NECTIN3: variants seen among roughly 807,000 people sequenced by gnomAD.
NECTIN3 encodes the protein nectin cell adhesion molecule 3.
Under a neutral mutation model 49.4 loss-of-function variants are expected in NECTIN3, and 8 were observed. The observed-to-expected ratio is 0.16, with a 90% CI of 0.10 to 0.29. The LOEUF (loss-of-function observed/expected upper bound fraction) is 0.29. Ranked by LOEUF, NECTIN3 falls within the 10% of genes least tolerant of loss-of-function variation. NECTIN3 has a pLI of 1.00. For synonymous variants in NECTIN3, 277 were observed against 241.1 expected, an observed-to-expected ratio of 1.15 and a Z score of -1.38; for missense variants, 581 against 654.6, an observed-to-expected ratio of 0.89 and a Z score of 1.23.
At chr3:111,155,517 T>C (rs1259064631) in intron 7 of NECTIN3, among the ~76,000 whole-genome samples, 2 of 152,188 alleles carry the variant, frequency 1.3e-5, no homozygotes, top group Admixed American at 1.3e-4. Flanking sequence ...GAGCAATTCC[T>C]TTGTAAATAC....
At chr3:111,072,203 G>A in intron 1 of NECTIN3, 26 bp downstream of exon 1, 3 of 1,530,628 alleles carry the variant, frequency 2.0e-6, no homozygotes, top group Non-Finnish European at 2.6e-6. Context: ...CGGCCGGCGT[G>A]GGCTGAGGGA....
At chr3:111,166,638 G>A (rs1032674089) in intron 7 of NECTIN3, among the ~76,000 whole-genome samples, 2 of 152,114 alleles carry the variant, frequency 1.3e-5, no homozygotes, top group East Asian at 1.9e-4. Context: ...TCTAGATTAA[G>A]GTCTGCCATT....
chr3:111,089,499 C>A (rs1444352160), intron 1 of NECTIN3, among the ~76,000 whole-genome samples: 1 of 151,782 alleles, frequency 6.6e-6, no homozygotes, highest in Non-Finnish European at 1.5e-5. Context: ...ACTTTGACTG[C>A]ATCCCATGTG....
At chr3:111,185,092 G>A (rs1013211543) in intron 7 of NECTIN3, among the ~76,000 whole-genome samples, 2 of 152,182 alleles carry the variant, frequency 1.3e-5, no homozygotes, top group African/African-American at 4.8e-5. Context: ...TGCATGCCCA[G>A]CCTAGTATGC....
chr3:111,105,982 C>CT (rs34682420), intron 1 of NECTIN3, among the ~76,000 whole-genome samples: 2,601 of 129,398 alleles, frequency 0.02, 50 homozygotes, highest in African/African-American at 0.032. Flanking sequence ...CTTACCAGTG[C>CT]TTTTTTTTTT....
intron 5 of NECTIN3, among the ~76,000 whole-genome samples, chr3:111,128,870 G>C (rs1449244807): frequency 6.6e-6 from 1 of 152,086 alleles, no homozygotes; most frequent in African/African-American, 2.4e-5. Context: ...GTCAGCAAAT[G>C]AGCAGCTAGG....
At chr3:111,109,376 T>C (rs2033358179) in intron 1 of NECTIN3, among the ~76,000 whole-genome samples, 1 of 152,200 alleles carries the variant, frequency 6.6e-6, no homozygotes, top group African/African-American at 2.4e-5. Flanking sequence ...CTAGAAATTC[T>C]TTCTTTGGTC....
upstream of NECTIN3, among the ~76,000 whole-genome samples, chr3:111,191,710 T>G (rs150358596): frequency 6.6e-6 from 1 of 152,204 alleles, no homozygotes; most frequent in South Asian, 2.1e-4. Context: ...CCAAACCACT[T>G]TTACCTGATT....
intron 7 of NECTIN3, among the ~76,000 whole-genome samples, chr3:111,179,890 CAAAA>C (rs10715848): frequency 1.7e-5 from 2 of 116,978 alleles, no homozygotes; most frequent in African/African-American, 2.8e-5. Context: ...GACTCTGTCT[CAAAA>C]AAAAAAAAAA....
At chr3:111,120,752 T>A (rs9827150) in intron 3 of NECTIN3, among the ~76,000 whole-genome samples, 107,160 of 151,640 alleles carry the variant, frequency 0.71, 43,512 homozygotes, top group Non-Finnish European at 0.93. Flanking sequence ...AGCTAGAGAG[T>A]CTCTGCATCA....
chr3:111,119,299 T>C (rs1292528434), intron 3 of NECTIN3, among the ~76,000 whole-genome samples: 6 of 152,214 alleles, frequency 3.9e-5, no homozygotes, highest in Non-Finnish European at 8.8e-5. Context: ...GTTTCACCAA[T>C]GCTCACCATC....
At chr3:111,133,483 A>C (rs777976519) in intron 5 of NECTIN3, 152 bp from the exon 6 acceptor site, 1 of 1,183,242 alleles carries the variant, frequency 8.5e-7, no homozygotes, top group Non-Finnish European at 1.2e-6. Flanking sequence ...GTACCACTAC[A>C]TTCTAATCTT....
At chr3:111,125,845 G>C (rs2034143324) in intron 4 of NECTIN3, among the ~76,000 whole-genome samples, 1 of 152,098 alleles carries the variant, frequency 6.6e-6, no homozygotes, top group African/African-American at 2.4e-5. Flanking sequence ...GATATTGTAT[G>C]TATGTCTTCA....
Position 111,136,766 on chromosome 3 carries a change from T to A in NECTIN3, c.*2551T>A. 1.1e-6 allele frequency: 1 copy of A among 929,166 alleles called. No individual in the cohort carries two copies. Among genetic ancestry groups the A allele is most frequent in the Non-Finnish European group, 1.3e-6 (1 of 779,112 alleles). The allele number at this position is 929,166 out of a possible 1,614,324, so 57.6% of individuals were successfully genotyped here. ...CTGTTTTAGCATTTTGTAAATTCAC[T>A]TGAGAGTTTTCTTTCATACTGGTTA... On this transcript the variant is annotated 3_prime_UTR_variant, in exon 6 of 6. Coordinates refer to ENST00000485303, the MANE Select transcript of NECTIN3 (RefSeq NM_015480.3).
At chr3:111,142,497 A>G (rs2034771208), downstream of NECTIN3, among the ~76,000 whole-genome samples, 1 of 152,040 alleles carries the variant, frequency 6.6e-6, no homozygotes, top group Non-Finnish European at 1.5e-5. Context: ...GCTAGAAATT[A>G]TAAGACTAGT....
chr3:111,124,980 T>C (rs1316642350), intron 4 of NECTIN3, among the ~76,000 whole-genome samples: 1 of 151,918 alleles, frequency 6.6e-6, no homozygotes, highest in Admixed American at 6.6e-5. Context: ...CTGTAGTAGT[T>C]GAGCACCTAG....
At position 111,176,265 on chromosome 3, in the gene NECTIN3, C is replaced by A; in HGVS notation, c.1222-16086C>A. On this transcript the variant is annotated intron_variant, in intron 7 of 8. Transcript: ENST00000493615. ...TTGAAAACAAGAAAAATCCTTGACT[C>A]ATTTTATTAATCATGCAACCTACCT... Among the ~76,000 whole-genome samples the A allele has an allele frequency of 2.0e-5, 3 of 152,310 alleles. No individual in the cohort carries two copies. The Middle Eastern group carries it at 0.01, about 518-fold the overall frequency.
intron 7 of NECTIN3, among the ~76,000 whole-genome samples, chr3:111,184,209 A>G (rs929213232): frequency 1.3e-4 from 19 of 151,558 alleles, no homozygotes; most frequent in Admixed American, 9.8e-4. Context: ...ATAGTTGTCA[A>G]CTCTCATGTT....
intron 7 of NECTIN3, among the ~76,000 whole-genome samples, chr3:111,173,736 C>A (rs1024168897): frequency 3.3e-5 from 5 of 152,140 alleles, no homozygotes; most frequent in African/African-American, 1.2e-4. Context: ...CTTTCATAGA[C>A]AAACAATATC....
Sources: allele counts gnomAD v4.1 joint callset (sites outside exome capture counted in the v4.1 genomes callset), GRCh38; gene constraint gnomAD v4.1.1; transcripts MANE v1.5; gene names NCBI Gene and HGNC (gene_info 2026-07-23, HGNC 2026-07-21).